The following SCLT1 variants were observed in gnomAD, a reference collection of about 807,000 sequenced individuals.
SCLT1 encodes the protein sodium channel-associated protein 1.
SCLT1 carries 78 observed loss-of-function variants against 112.8 expected under a neutral mutation model. The observed-to-expected ratio is 0.69, with a 90% CI of 0.58 to 0.83. The LOEUF is 0.83. Ranked by LOEUF, SCLT1 falls within the 40% of genes least tolerant of loss-of-function variation. The pLI is 0.00. For missense variants in SCLT1, 747 were observed against 770.4 expected, an observed-to-expected ratio of 0.97 and a Z score of 0.36; for synonymous variants, 257 against 254.7, an observed-to-expected ratio of 1.01 and a Z score of -0.09.
At chr4:129,051,038 T>C (rs1205762762) in intron 2 of SCLT1, among the ~76,000 whole-genome samples, 1 of 151,832 alleles carries the variant, frequency 6.6e-6, no homozygotes, top group Non-Finnish European at 1.5e-5. Flanking sequence ...TGGTTGTAGA[T>C]GTGTGGTGTT....
intron 18 of SCLT1, among the ~76,000 whole-genome samples, chr4:128,894,298 G>A (rs544937452): frequency 8.6e-5 from 13 of 151,580 alleles, no homozygotes; most frequent in South Asian, 6.3e-4. Context: ...TCCAAAGTCC[G>A]TGCTCTTAAC....
intron 11 of SCLT1, among the ~76,000 whole-genome samples, chr4:128,964,320 A>G (rs1424678722): frequency 6.6e-6 from 1 of 152,220 alleles, no homozygotes; most frequent in African/African-American, 2.4e-5. Flanking sequence ...CAAAAAGCCA[A>G]TACTCCTGTT....
chr4:128,951,622 C>T (rs1333365196), intron 14 of SCLT1, among the ~76,000 whole-genome samples: 1 of 152,104 alleles, frequency 6.6e-6, no homozygotes, highest in Admixed American at 6.6e-5. Flanking sequence ...TAGTACCCTT[C>T]TACTCCTCTT....
At chr4:129,001,433 T>C (rs1743474046) in intron 6 of SCLT1, among the ~76,000 whole-genome samples, 3 of 152,122 alleles carry the variant, frequency 2.0e-5, no homozygotes, top group Admixed American at 2.0e-4. Flanking sequence ...TACAACTTAC[T>C]ATTTGGACAA....
In SCLT1 at chr4:128,877,356, C is replaced by G. The variant is rs1001891876; in HGVS notation, n.226-720G>C. Among the ~76,000 whole-genome samples the G allele has an allele frequency of 2.0e-5, 3 of 152,134 alleles. 1 individual carries two copies. The highest frequency in any genetic ancestry group is 3.9e-4 in the East Asian group (2 of 5,172). ...TCCCAGCCTGTCTGGGATTGAGACC[C>G]GTAGGCTGTACTGCCTCTCAGAATA... On this transcript the variant is annotated intron_variant and non_coding_transcript_variant, in intron 3 of 7. Transcript: ENST00000503565.
In SCLT1 at chr4:128,954,908, G is replaced by A. The variant is rs562018738; in HGVS notation, c.1147-2068C>T. ...TTCTTATAAGCCTGTCATGTCTGTC[G>A]CTCTCTCACATAATTTCTAAAATGT... On this transcript the variant is annotated intron_variant, in intron 13 of 20. Transcript: ENST00000281142. Among the ~76,000 whole-genome samples, 80 of 152,166 alleles carry A rather than the reference G, an allele frequency of 5.3e-4. 1 individual carries two copies. The highest frequency in any genetic ancestry group is 2.4e-4 in the Non-Finnish European group (16 of 67,998).
At chr4:129,050,981 A>G (rs943280108) in intron 2 of SCLT1, among the ~76,000 whole-genome samples, 3 of 152,042 alleles carry the variant, frequency 2.0e-5, no homozygotes, top group Non-Finnish European at 4.4e-5. Flanking sequence ...TTAAATAGGG[A>G]ATCTTTTCCC....
At chr4:129,043,850 T>C in intron 3 of SCLT1, 143 bp downstream of exon 3, 1 of 591,864 alleles carries the variant, frequency 1.7e-6, no homozygotes, top group Non-Finnish European at 3.0e-6. Flanking sequence ...GACTCTGTAA[T>C]ACTTGCTTTT....
intron 18 of SCLT1, among the ~76,000 whole-genome samples, chr4:128,895,997 C>T (rs368021945): frequency 1.3e-5 from 2 of 152,208 alleles, no homozygotes; most frequent in Non-Finnish European, 2.9e-5. Context: ...GGGAGGGGCA[C>T]CCGCCATTGC....
rs182629950 is a variant in SCLT1, at chr4:128,927,935, G to T, written c.1829+8720C>A. 1.3e-4 allele frequency among the ~76,000 whole-genome samples: 20 copies of T among 152,044 alleles called. No individual in the cohort carries two copies. The East Asian group carries it at 3.9e-3, about 29-fold the overall frequency. On this transcript the variant is annotated intron_variant, in intron 18 of 20. Transcript: ENST00000281142. ...GAATGCAAAAGGAAGTATTACAGATGCTGCAGACATTAAATGGACAATAAT... is the reference window on the plus strand; with the variant it reads ...GAATGCAAAAGGAAGTATTACAGATTCTGCAGACATTAAATGGACAATAAT...
intron 2 of SCLT1, among the ~76,000 whole-genome samples, chr4:129,055,581 A>C (rs1019178015): frequency 6.6e-6 from 1 of 152,110 alleles, no homozygotes; most frequent in Non-Finnish European, 1.5e-5. Flanking sequence ...GTGACGGGAA[A>C]ACTGCCTACT....
chr4:129,078,392 A>T (rs571237056), intron 2 of SCLT1, among the ~76,000 whole-genome samples: 25 of 151,754 alleles, frequency 1.6e-4, no homozygotes, highest in Non-Finnish European at 2.2e-4. Context: ...TAAAATAAAA[A>T]TTTTTTTTTA....
At chr4:129,052,957 C>T (rs1659357098) in intron 2 of SCLT1, among the ~76,000 whole-genome samples, 1 of 152,160 alleles carries the variant, frequency 6.6e-6, no homozygotes, top group Non-Finnish European at 1.5e-5. Flanking sequence ...CAAAGAACAT[C>T]TTTATTTCTG....
chr4:128,884,599 A>G, intron 20 of SCLT1, 60 bp from the exon 21 acceptor site: 2 of 1,077,030 alleles, frequency 1.9e-6, no homozygotes, highest in African/African-American at 1.6e-5. Context: ...TCTTAGATTA[A>G]TACAAAGAAG....
chr4:129,039,016 T>C (rs752131091), intron 5 of SCLT1, 25 bp downstream of exon 5: 57 of 1,334,498 alleles, frequency 4.3e-5, no homozygotes, highest in Non-Finnish European at 6.0e-5. Context: ...TAATAAAAGA[T>C]AAAACCAATA....
intron 14 of SCLT1, among the ~76,000 whole-genome samples, chr4:128,951,119 T>C (rs79283316): frequency 0.013 from 1,920 of 152,154 alleles, 36 homozygotes; most frequent in African/African-American, 0.044. Context: ...ATAAATAGTA[T>C]AGATGGATAG....
At chr4:129,048,948 T>C (rs1221954989) in intron 2 of SCLT1, among the ~76,000 whole-genome samples, 1 of 151,794 alleles carries the variant, frequency 6.6e-6, no homozygotes, top group Non-Finnish European at 1.5e-5. Flanking sequence ...TCAAACCAGT[T>C]AGAATGGCAA....
intron 9 of SCLT1, chr4:128,971,067 T>C (rs1236299422): frequency 6.6e-6 from 1 of 152,208 alleles, no homozygotes; most frequent in Non-Finnish European, 1.5e-5. Context: ...TAAGTTTCAA[T>C]ATCTTCTTAA....
At chr4:129,025,603 T>C (rs1349316818) in intron 5 of SCLT1, among the ~76,000 whole-genome samples, 4 of 152,144 alleles carry the variant, frequency 2.6e-5, no homozygotes. Flanking sequence ...TCATGCCAAA[T>C]TGTAAAGACC....
Sources: allele counts gnomAD v4.1 joint callset (sites outside exome capture counted in the v4.1 genomes callset), GRCh38; gene constraint gnomAD v4.1.1; transcripts MANE v1.5; gene names NCBI Gene and HGNC (gene_info 2026-07-23, HGNC 2026-07-21).